The following FAM135A variants were observed in gnomAD, a reference collection of about 807,000 sequenced individuals.
The protein encoded by FAM135A is family with sequence similarity 135 member A, also known as protein FAM135A.
Under a neutral mutation model 146.8 loss-of-function variants are expected in FAM135A, and 79 were observed. The observed-to-expected ratio is 0.54, with a 90% CI of 0.45 to 0.65. The LOEUF is 0.65. FAM135A is among the 30% of genes least tolerant of loss of function. The pLI is 0.00. For synonymous variants in FAM135A, 562 were observed against 603.6 expected (o/e 0.93, Z 1.01); for missense variants, 1,623 against 1,758.2 (o/e 0.92, Z 1.38).
At position 70,482,195 on chromosome 6, in the gene FAM135A, A is replaced by G. The variant is rs372130285; in HGVS notation, c.823+41A>G. On this transcript the variant is annotated intron_variant, in intron 10 of 21. Coordinates refer to ENST00000418814, the MANE Select transcript of FAM135A (RefSeq NM_001162529.3). ...CGAGACTTATTCTACAGTTCAAATC[A>G]TTCTCTTCAGTCTTATATTGCTAGC... 6 of 1,598,502 alleles carry G rather than the reference A, an allele frequency of 3.8e-6. No homozygotes were observed. In the African/African-American group the frequency reaches 4.0e-5, roughly 11 times the overall value.
intron 5 of FAM135A, among the ~76,000 whole-genome samples, chr6:70,455,930 C>T (rs745493824): frequency 3.2e-4 from 49 of 152,290 alleles, no homozygotes; most frequent in Middle Eastern, 6.8e-3. Flanking sequence ...CGGCTCACTG[C>T]AACCTCCGCC....
intron 11 of FAM135A, among the ~76,000 whole-genome samples, chr6:70,500,283 A>G (rs915409545): frequency 5.3e-5 from 8 of 151,988 alleles, no homozygotes; most frequent in Admixed American, 4.6e-4. Context: ...GGCTATTGAT[A>G]TTTGTGTATG....
At chr6:70,486,312 TAGCATC>T in intron 10 of FAM135A, 1 of 1,319,670 alleles carries the variant, frequency 7.6e-7, no homozygotes. Flanking sequence ...TGCTTTAAAT[TAGCATC>T]AGATTTCATA....
chr6:70,444,012 C>G (rs1235831864), intron 4 of FAM135A, among the ~76,000 whole-genome samples: 1 of 152,132 alleles, frequency 6.6e-6, no homozygotes, highest in Admixed American at 6.5e-5. Flanking sequence ...ATAACCTAGC[C>G]CACCACAACT....
chr6:70,454,036 A>G (rs573614380), intron 5 of FAM135A, among the ~76,000 whole-genome samples: 1 of 152,278 alleles, frequency 6.6e-6, no homozygotes, highest in South Asian at 2.1e-4. Context: ...CCAACAGTGT[A>G]AAAAGTGTTC....
intron 20 of FAM135A, among the ~76,000 whole-genome samples, chr6:70,538,857 T>A (rs1797317198): frequency 7.2e-6 from 1 of 138,758 alleles, no homozygotes; most frequent in South Asian, 2.3e-4. Flanking sequence ...TATATTATAT[T>A]ATATGGCTAG....
chr6:70,447,482 G>A (rs566923825), intron 4 of FAM135A, among the ~76,000 whole-genome samples: 1 of 152,338 alleles, frequency 6.6e-6, no homozygotes, highest in South Asian at 2.1e-4. Context: ...CCGCTGGCAA[G>A]GGTCCACAGA....
chr6:70,419,597 G>T (rs935850504), intron 2 of FAM135A, among the ~76,000 whole-genome samples: 1 of 152,140 alleles, frequency 6.6e-6, no homozygotes, highest in Non-Finnish European at 1.5e-5. Context: ...TAGCAAACTT[G>T]AATTTAATTA....
chr6:70,554,623 G>T (rs543286218), intron 20 of FAM135A, among the ~76,000 whole-genome samples: 1 of 151,866 alleles, frequency 6.6e-6, no homozygotes, highest in Admixed American at 6.6e-5. Context: ...TGGTTTTGGG[G>T]GGTTTTTTTG....
At chr6:70,476,686 A>G (rs1782682739) in intron 7 of FAM135A, among the ~76,000 whole-genome samples, 1 of 152,170 alleles carries the variant, frequency 6.6e-6, no homozygotes, top group Non-Finnish European at 1.5e-5. Flanking sequence ...AAATATCTAC[A>G]ATAAGATATG....
At chr6:70,542,514 A>G (rs1382079983) in intron 20 of FAM135A, among the ~76,000 whole-genome samples, 1 of 151,722 alleles carries the variant, frequency 6.6e-6, no homozygotes, top group Non-Finnish European at 1.5e-5. Context: ...ATGCTCCTCT[A>G]CTCTCAGAAT....
rs530324124 is a variant in FAM135A at position 70,519,735 on chromosome 6, A to T, written c.1030-2778A>T. Among the ~76,000 whole-genome samples the T allele has an allele frequency of 9.2e-5, 14 of 151,970 alleles. No homozygotes were observed. The South Asian group carries it at 1.0e-3, about 11-fold the overall frequency. On this transcript the variant is annotated intron_variant, in intron 12 of 21. Transcript: ENST00000418814. ...TAAAAAAGGTATAATGCTATTGCAC[A>T]CTTAAGAGACTACAGTATAGTGTAA...
At position 70,522,582 on chromosome 6, in the gene FAM135A, C is replaced by A; in HGVS notation, c.1099C>A (p.Leu367Ile). Residue 367 changes from leucine to isoleucine, a missense_variant, in exon 13 of 22, where the codon CTT becomes ATT. Around this residue, in one of 7 missense-constraint regions of FAM135A, gnomAD observed 23 missense variants for 47.7 expected, o/e 0.48. Coordinates refer to ENST00000418814, the MANE Select transcript of FAM135A (RefSeq NM_001162529.3). ...AGAAGCTGCCATTGCATACCAGGAA[C>A]TTCAGTGAGTAGTATAAATTCAAAA... Reference protein sequence around the residue: ...PREAAIAYQELHAQSHLQMCT... With the variant: ...PREAAIAYQEIHAQSHLQMCT... 6.2e-7 allele frequency: 1 copy of A among 1,612,774 alleles called. No homozygotes were observed. The highest frequency in any genetic ancestry group is 1.1e-5 in the South Asian group (1 of 90,958).
chr6:70,511,784 T>C (rs1324417745), intron 12 of FAM135A, among the ~76,000 whole-genome samples: 1 of 151,878 alleles, frequency 6.6e-6, no homozygotes, highest in Non-Finnish European at 1.5e-5. Context: ...CTAGATAGTA[T>C]AGCCTGCTAC....
chr6:70,517,874 A>G (rs1032466761), intron 12 of FAM135A, among the ~76,000 whole-genome samples: 1 of 152,242 alleles, frequency 6.6e-6, no homozygotes, highest in Non-Finnish European at 1.5e-5. Context: ...TTCACCAACT[A>G]GCATTCCCTT....
At chr6:70,556,909 T>C in intron 21 of FAM135A, 46 bp downstream of exon 21, 2 of 1,523,386 alleles carry the variant, frequency 1.3e-6, no homozygotes, top group Non-Finnish European at 1.8e-6. Flanking sequence ...ATTAATGAGC[T>C]CTTTCCAAAA....
At chr6:70,516,032 C>T (rs1792117244) in intron 12 of FAM135A, among the ~76,000 whole-genome samples, 1 of 152,012 alleles carries the variant, frequency 6.6e-6, no homozygotes, top group Non-Finnish European at 1.5e-5. Flanking sequence ...ATTATATTTT[C>T]CTGATGCTTT....
At chr6:70,449,152 T>C (rs931152029) in intron 4 of FAM135A, among the ~76,000 whole-genome samples, 4 of 152,232 alleles carry the variant, frequency 2.6e-5, no homozygotes, top group African/African-American at 9.6e-5. Flanking sequence ...TTTTTGACAA[T>C]TTAAAAGTTG....
chr6:70,517,368 A>G (rs1248334914), intron 12 of FAM135A, among the ~76,000 whole-genome samples: 1 of 151,802 alleles, frequency 6.6e-6, no homozygotes, highest in Non-Finnish European at 1.5e-5. Context: ...TCATCTCTAC[A>G]AAAAATACAA....
Sources: allele counts gnomAD v4.1 joint callset (sites outside exome capture counted in the v4.1 genomes callset), GRCh38; gene constraint gnomAD v4.1.1; regional missense constraint gnomAD v4.1.1; transcripts MANE v1.5; gene names NCBI Gene and HGNC (gene_info 2026-07-23, HGNC 2026-07-21).